CDH8: variants seen among roughly 807,000 people sequenced by gnomAD.
The protein encoded by CDH8 is cadherin 8, also known as cadherin-8.
In CDH8, 17 loss-of-function variants were observed where a neutral mutation model predicts 68.1. That is an observed-to-expected ratio of 0.25 (90% CI 0.17 to 0.37). CDH8 has a LOEUF of 0.37. CDH8 is among the 10% of genes least tolerant of loss of function. The pLI is 1.00. For missense variants in CDH8, 763 were observed against 999.3 expected (o/e 0.76, Z 3.19); for synonymous variants, 372 against 365.1 (o/e 1.02, Z -0.21).
chr16:61,879,821 C>A (rs536495477), intron 3 of CDH8, among the ~76,000 whole-genome samples: 2 of 152,192 alleles, frequency 1.3e-5, no homozygotes, highest in African/African-American at 2.4e-5. Context: ...CCTACAGAGA[C>A]CTTATGGGAG....
At chr16:61,844,712 G>A (rs924892910) in intron 4 of CDH8, among the ~76,000 whole-genome samples, 4 of 152,118 alleles carry the variant, frequency 2.6e-5, no homozygotes. Flanking sequence ...AGTATAACTT[G>A]TGGATAGAAA....
chr16:61,739,272 A>C (rs1458816287), intron 8 of CDH8, among the ~76,000 whole-genome samples: 2 of 152,160 alleles, frequency 1.3e-5, no homozygotes, highest in Non-Finnish European at 2.9e-5. Flanking sequence ...AGAGGAATTA[A>C]TGTGTCGACA....
intron 8 of CDH8, among the ~76,000 whole-genome samples, chr16:61,768,304 G>GTGTCTCTCTCTC (rs1164507960): frequency 8.1e-5 from 6 of 73,682 alleles, no homozygotes; most frequent in Non-Finnish European, 1.2e-4. Flanking sequence ...CTCTCTCTGT[G>GTGTCTCTCTCTC]TCTCTCCCTT....
chr16:61,876,483 A>T (rs1963462744), intron 3 of CDH8, among the ~76,000 whole-genome samples: 1 of 152,124 alleles, frequency 6.6e-6, no homozygotes, highest in African/African-American at 2.4e-5. Flanking sequence ...GCTTTGAATG[A>T]CTAATGCCAA....
intron 2 of CDH8, among the ~76,000 whole-genome samples, chr16:61,924,079 A>G (rs1415970198): frequency 6.6e-6 from 1 of 151,682 alleles, no homozygotes; most frequent in Non-Finnish European, 1.5e-5. Context: ...GCACCACACT[A>G]TGAGGACCGC....
chr16:61,678,252 C>T (rs1316189104), intron 10 of CDH8, among the ~76,000 whole-genome samples: 1 of 151,996 alleles, frequency 6.6e-6, no homozygotes, highest in Non-Finnish European at 1.5e-5. Flanking sequence ...CTAGGCTGTG[C>T]CCTGATCAAC....
chr16:61,768,594 G>A (rs1960698958), intron 8 of CDH8, among the ~76,000 whole-genome samples: 1 of 151,502 alleles, frequency 6.6e-6, no homozygotes, highest in Admixed American at 6.6e-5. Context: ...TATTTGGTGA[G>A]ACCCTGAAAG....
At chr16:61,886,234 G>T (rs920970052) in intron 3 of CDH8, among the ~76,000 whole-genome samples, 1 of 152,156 alleles carries the variant, frequency 6.6e-6, no homozygotes, top group Admixed American at 6.5e-5. Context: ...ACCCTAAGGA[G>T]CCAAGATCTT....
chr16:61,714,697 T>C (rs1249997340), intron 9 of CDH8, among the ~76,000 whole-genome samples: 2 of 151,632 alleles, frequency 1.3e-5, no homozygotes, highest in Non-Finnish European at 1.5e-5. Flanking sequence ...TGTCAGATAA[T>C]TATCTTAATA....
intron 3 of CDH8, among the ~76,000 whole-genome samples, chr16:61,875,833 T>C (rs1963447945): frequency 1.3e-5 from 2 of 152,094 alleles, no homozygotes; most frequent in African/African-American, 2.4e-5. Flanking sequence ...TGCCACCAAA[T>C]AGGAAGCTAT....
chr16:61,779,575 T>G (rs1331224572), intron 8 of CDH8, among the ~76,000 whole-genome samples: 1 of 151,994 alleles, frequency 6.6e-6, no homozygotes, highest in Non-Finnish European at 1.5e-5. Context: ...TATTCCTTGT[T>G]TGTTTGTTTT....
At chr16:61,835,546 GC>G (rs1335337056) in intron 4 of CDH8, among the ~76,000 whole-genome samples, 1 of 151,782 alleles carries the variant, frequency 6.6e-6, no homozygotes, top group Non-Finnish European at 1.5e-5. Flanking sequence ...CCAACATATG[GC>G]TAGCCAATGA....
At chr16:61,819,731 T>C (rs1356412626) in intron 6 of CDH8, among the ~76,000 whole-genome samples, 1 of 152,106 alleles carries the variant, frequency 6.6e-6, no homozygotes. Flanking sequence ...ATGTCTCGTG[T>C]AACATGATGG....
chr16:62,021,694 T>TA (rs1902079739), intron 1 of CDH8, 92 bp from the exon 2 acceptor site: 1 of 554,932 alleles, frequency 1.8e-6, no homozygotes, highest in Non-Finnish European at 2.7e-6. Context: ...AAGTGAACAA[T>TA]AGTAGGCACT....
intron 9 of CDH8, among the ~76,000 whole-genome samples, chr16:61,720,312 A>G (rs948139569): frequency 6.6e-6 from 1 of 150,964 alleles, no homozygotes; most frequent in African/African-American, 2.4e-5. Flanking sequence ...AGTCAATTTG[A>G]CTTTCTTTAA....
intron 2 of CDH8, among the ~76,000 whole-genome samples, chr16:61,986,495 A>G (rs1965631897): frequency 6.6e-6 from 1 of 152,164 alleles, no homozygotes; most frequent in Non-Finnish European, 1.5e-5. Flanking sequence ...TGGCTGTAAA[A>G]GAAACATGGT....
At chr16:61,960,135 A>C (rs1191411567) in intron 2 of CDH8, among the ~76,000 whole-genome samples, 4 of 144,856 alleles carry the variant, frequency 2.8e-5, no homozygotes, top group Non-Finnish European at 4.6e-5. Flanking sequence ...GTGTGTATAC[A>C]CATACATATA....
intron 3 of CDH8, among the ~76,000 whole-genome samples, chr16:61,863,558 G>C (rs535728656): frequency 1.9e-4 from 29 of 152,254 alleles, no homozygotes; most frequent in Admixed American, 7.2e-4. Flanking sequence ...CTGACACCCT[G>C]ATCAGGAAAA....
chr16:61,746,385 AT>A (rs1419761003), intron 8 of CDH8, among the ~76,000 whole-genome samples: 1 of 151,970 alleles, frequency 6.6e-6, no homozygotes, highest in African/African-American at 2.4e-5. Context: ...GCAGTGCTGA[AT>A]TGAGGAGTCA....
Sources: gnomAD v4.1 joint callset for allele counts (sites outside exome capture counted in the v4.1 genomes callset) on GRCh38, gnomAD v4.1.1 for gene constraint, MANE v1.5 for transcripts, NCBI Gene and HGNC (gene_info 2026-07-23, HGNC 2026-07-21) for gene names.